Variants in COL12A1 observed in about 807,000 individuals in gnomAD.
COL12A1 encodes the protein collagen alpha-1(XII) chain.
A neutral mutation model predicts 349.7 loss-of-function variants in COL12A1; 114 were observed. The ratio of observed to expected loss-of-function variants is 0.33; its 90% CI spans 0.28 to 0.38. The LOEUF (loss-of-function observed/expected upper bound fraction) is 0.38, where lower values mean the gene tolerates loss of function less well. COL12A1 is among the 10% of genes least tolerant of loss of function. The pLI, the probability that COL12A1 is intolerant of heterozygous loss-of-function variation, is 1.00. For synonymous variants in COL12A1, 1,369 were observed against 1,329.0 expected (o/e 1.03, Z -0.66); for missense variants, 3,284 against 3,756.9 (o/e 0.87, Z 3.29).
chr6:75,096,344 ATTATT>A (rs1768022014), intron 59 of COL12A1, among the ~76,000 whole-genome samples: 1 of 152,178 alleles, frequency 6.6e-6, no homozygotes, highest in Non-Finnish European at 1.5e-5. Context: ...AAATAATAAA[ATTATT>A]TTAACATATG....
In COL12A1 at chr6:75,123,974, G is replaced by A. The variant is rs1765879340; in HGVS notation, c.6845C>T (p.Pro2282Leu). Reference protein sequence around the residue: ...VFVQTPNLEGPGVSVKEHTTV... With the variant: ...VFVQTPNLEGLGVSVKEHTTV... ...GGTATGTTCTTTAACAGAGACTCCT[G>A]GTCCCTCGAGATTTGGTGTCTGCAC... The change falls in exon 42 of 66, where the codon CCA (proline) becomes CTA (leucine). Residue 2282 changes from proline to leucine, a missense_variant. Around this residue, in one of 2 missense-constraint regions of COL12A1, gnomAD observed 2,601 missense variants for 2,824.8 expected, o/e 0.92. Coordinates refer to ENST00000322507, the MANE Select transcript of COL12A1 (RefSeq NM_004370.6). 6.2e-7 allele frequency: 1 copy of A among 1,613,180 alleles called. No homozygotes were observed. Among genetic ancestry groups the A allele is most frequent in the Admixed American group, 1.7e-5 (1 of 59,938 alleles).
At chr6:75,182,419 T>C (rs1769365616) in intron 10 of COL12A1, among the ~76,000 whole-genome samples, 1 of 151,798 alleles carries the variant, frequency 6.6e-6, no homozygotes, top group African/African-American at 2.4e-5. Context: ...TGTCCATGTG[T>C]TCTCATTATT....
Position 75,125,259 on chromosome 6 carries a change from T to C in COL12A1, c.6475A>G (p.Met2159Val). Residue 2159 changes from methionine (M) to valine (V), a missense_variant, in exon 40 of 66, where the codon ATG becomes GTG. Met to Val is a conservative substitution (Grantham distance 21). This residue lies in a region of COL12A1 where 2,601 missense variants were observed against 2,824.8 expected (regional missense o/e 0.92). Transcript: ENST00000322507. ...GTCATTTCTCCAACAAAGGCTTCCATGGGCTCATTGGAACCTTTATTAACA... is the reference window on the plus strand; with the variant it reads ...GTCATTTCTCCAACAAAGGCTTCCACGGGCTCATTGGAACCTTTATTAACA... ...VYKPVGSNEP[M>V]EAFVGEMTSY... The C allele has an allele frequency of 6.2e-7, 1 of 1,606,452 alleles. No homozygotes were observed. The highest frequency in any genetic ancestry group is 8.5e-7 in the Non-Finnish European group (1 of 1,176,428).
intron 26 of COL12A1, 149 bp from the exon 27 acceptor site, chr6:75,142,310 TG>T: frequency 1.1e-6 from 1 of 895,836 alleles, no homozygotes; most frequent in Non-Finnish European, 1.7e-6. Context: ...ATCCAGAAAC[TG>T]GACACAGTTT....
intron 47 of COL12A1, among the ~76,000 whole-genome samples, chr6:75,116,879 C>T (rs770992472): frequency 1.3e-5 from 2 of 152,116 alleles, no homozygotes; most frequent in African/African-American, 4.8e-5. Context: ...AATAAATCGA[C>T]TTAAATAATC....
Position 75,133,981 on chromosome 6 carries a change from T to C in COL12A1, c.5541A>G (p.Val1847=). The C allele has an allele frequency of 6.2e-7, 1 of 1,613,724 alleles. No individual in the cohort carries two copies. The highest frequency in any genetic ancestry group is 8.5e-7 in the Non-Finnish European group (1 of 1,179,846). The part of the protein sequence containing the change: ...GRGKTKPLNT[V]RNLRVYDPST... ...AAGGGTCATACACTCTCAGGTTCCT[T>C]ACAGTGTTTAGAGGTTCTGAAATGC... The change falls in exon 33 of 66, where the codon GTA becomes GTG. Residue 1847 remains valine (V), a synonymous_variant. Transcript: ENST00000322507.
chr6:75,185,205 A>C (rs118049788), intron 8 of COL12A1, among the ~76,000 whole-genome samples: 55 of 152,276 alleles, frequency 3.6e-4, no homozygotes, highest in African/African-American at 1.3e-3. Context: ...AGATGACATA[A>C]TCCCTCTAGA....
intron 12 of COL12A1, among the ~76,000 whole-genome samples, chr6:75,177,216 C>T (rs925729685): frequency 2.6e-5 from 4 of 152,162 alleles, no homozygotes; most frequent in Non-Finnish European, 5.9e-5. Flanking sequence ...TCGGCCAGAT[C>T]ACCTGAGGTC....
intron 5 of COL12A1, among the ~76,000 whole-genome samples, chr6:75,190,601 T>C (rs959386829): frequency 6.6e-6 from 1 of 151,944 alleles, no homozygotes; most frequent in Admixed American, 6.6e-5. Flanking sequence ...ATGTTATCTT[T>C]CCTTCTCTCT....
intron 3 of COL12A1, 65 bp from the exon 4 acceptor site, chr6:75,192,420 T>C (rs1562315723): frequency 2.1e-6 from 3 of 1,408,496 alleles, no homozygotes; most frequent in South Asian, 1.3e-5. Flanking sequence ...CACAATACAT[T>C]GTAATTCCCA....
At chr6:75,153,964 G>A (rs1382024409) in intron 17 of COL12A1, among the ~76,000 whole-genome samples, 1 of 151,538 alleles carries the variant, frequency 6.6e-6, no homozygotes, top group Non-Finnish European at 1.5e-5. Flanking sequence ...AATAGAAAAC[G>A]GTACAATATC....
intron 26 of COL12A1, among the ~76,000 whole-genome samples, chr6:75,142,470 G>C (rs536879838): frequency 6.6e-6 from 1 of 152,124 alleles, no homozygotes; most frequent in Non-Finnish European, 1.5e-5. Flanking sequence ...TTTCAGCAAT[G>C]GTCTCTTACG....
chr6:75,150,211 G>A (rs1215633810), intron 21 of COL12A1, among the ~76,000 whole-genome samples: 1 of 151,978 alleles, frequency 6.6e-6, no homozygotes, highest in Non-Finnish European at 1.5e-5. Flanking sequence ...CACATAATAA[G>A]AGCCATAATT....
rs1767538010 is a variant in COL12A1 at position 75,152,348 on chromosome 6, T to G, written c.3700A>C (p.Lys1234Gln). ...RIVEVFDIGP[K>Q]RVQIALAQYS... ...CAGAACCTACCAATTTGTACTCTTT[T>G]GGGGCCAATGTCAAAGACTTCCACA... Residue 1234 changes from lysine to glutamine, a missense_variant, in exon 18 of 66, where the codon AAA (lysine) becomes CAA (glutamine). Physicochemically the swap from Lys to Gln is moderately conservative, Grantham distance 53. This residue lies in a region of COL12A1 where 2,601 missense variants were observed against 2,824.8 expected (regional missense o/e 0.92). Transcript: ENST00000322507. The G allele has an allele frequency of 6.2e-7, 1 of 1,613,608 alleles. No homozygotes were observed. The highest frequency in any genetic ancestry group is 8.5e-7 in the Non-Finnish European group (1 of 1,179,700).
At chr6:75,157,803 G>A (rs1021580235) in intron 14 of COL12A1, among the ~76,000 whole-genome samples, 1 of 152,006 alleles carries the variant, frequency 6.6e-6, no homozygotes, top group Non-Finnish European at 1.5e-5. Context: ...CACCCCAAAG[G>A]AGCCCAGGGA....
Position 75,151,155 on chromosome 6 carries a change from C to G in COL12A1, c.4133G>C (p.Ser1378Thr). The change falls in exon 21 of 66, where the codon AGT becomes ACT. Residue 1378 changes from serine (S) to threonine (T), a missense_variant. Coordinates refer to ENST00000322507, the MANE Select transcript of COL12A1 (RefSeq NM_004370.6). ...VDDLTINLCN[S>T]VKGPGDLEAP... Reference sequence around the variant, plus strand: ...GTTAAACTTACCTGGACCTTTGACACTGTTACACAAATTAATGGTGAGATC... The same window carrying G: ...GTTAAACTTACCTGGACCTTTGACAGTGTTACACAAATTAATGGTGAGATC... The G allele has an allele frequency of 6.3e-7, 1 of 1,581,528 alleles. No homozygotes were observed. The highest frequency in any genetic ancestry group is 8.6e-7 in the Non-Finnish European group (1 of 1,160,096).
chr6:75,171,037 T>C (rs1768605442), intron 13 of COL12A1, among the ~76,000 whole-genome samples: 1 of 152,244 alleles, frequency 6.6e-6, no homozygotes. Context: ...AAATTCTCCT[T>C]CATTTGTGGT....
rs1414823920 is a variant in COL12A1 at position 75,205,922 on chromosome 6, C to G, written c.-181G>C. 1 of 152,924 alleles carries G rather than the reference C, an allele frequency of 6.5e-6. No homozygotes were observed. Among genetic ancestry groups the G allele is most frequent in the Non-Finnish European group, 1.5e-5 (1 of 68,610 alleles). The allele number at this position is 152,924 out of a possible 1,614,324, so 9.5% of individuals were successfully genotyped here. A position where few individuals can be genotyped will look rare whatever the true frequency, so the allele number is the denominator to read the frequency against. On this transcript the variant is annotated 5_prime_UTR_variant, in exon 1 of 66. Coordinates refer to ENST00000322507, the MANE Select transcript of COL12A1 (RefSeq NM_004370.6). ...CTGGCGGCCGCCGAGGCGTGGGCAGCTGCGGGGAAGTCCAGGAGGAGGAGG... is the reference window on the plus strand; with the variant it reads ...CTGGCGGCCGCCGAGGCGTGGGCAGGTGCGGGGAAGTCCAGGAGGAGGAGG...
At chr6:75,093,802 G>A (rs564682223) in intron 60 of COL12A1, among the ~76,000 whole-genome samples, 3 of 151,860 alleles carry the variant, frequency 2.0e-5, no homozygotes, top group South Asian at 4.2e-4. Flanking sequence ...CTTTATTGCC[G>A]ATATTTAGAG....
Sources: gnomAD v4.1 joint callset for allele counts (sites outside exome capture counted in the v4.1 genomes callset) on GRCh38, gnomAD v4.1.1 for gene constraint, gnomAD v4.1.1 regional missense constraint, MANE v1.5 for transcripts, NCBI Gene and HGNC (gene_info 2026-07-23, HGNC 2026-07-21) for gene names.